The following SNPH variants were observed in gnomAD, a reference collection of about 807,000 sequenced individuals.
SNPH encodes syntaphilin.
Under a neutral mutation model 36.8 loss-of-function variants are expected in SNPH, and 10 were observed. The ratio of observed to expected loss-of-function variants is 0.27; its 90% CI spans 0.17 to 0.46. SNPH has a LOEUF of 0.46. SNPH is among the 20% of genes least tolerant of loss of function. The pLI is 1.00. For synonymous variants in SNPH, 281 were observed against 312.2 expected (o/e 0.90, Z 1.05); for missense variants, 622 against 744.0 (o/e 0.84, Z 1.91).
Position 1,278,011 on chromosome 20 carries a change from T to C in SNPH, c.-493+11251T>C, listed in dbSNP as rs994145984. Among the ~76,000 whole-genome samples the C allele has an allele frequency of 4.7e-5, 7 of 150,066 alleles. No individual in the cohort carries two copies. The South Asian group carries it at 1.5e-3, about 32-fold the overall frequency. On this transcript the variant is annotated intron_variant, in intron 2 of 6. Coordinates refer to ENST00000381867, the MANE Select transcript of SNPH (RefSeq NM_001318234.2). ...GCGTGTCTGTGTGTCTGTGTGTGTG[T>C]CAGTGTCTATGTATGTGTGTCTGTG...
intron 6 of SNPH, among the ~76,000 whole-genome samples, chr20:1,301,092 TG>T (rs2122431763): frequency 6.6e-6 from 1 of 152,308 alleles, no homozygotes; most frequent in South Asian, 2.1e-4. Flanking sequence ...TTGCCTCTTT[TG>T]GGGGAGAAAC....
At chr20:1,291,758 A>G (rs551650227) in intron 2 of SNPH, among the ~76,000 whole-genome samples, 2 of 152,356 alleles carry the variant, frequency 1.3e-5, no homozygotes, top group East Asian at 1.9e-4. Context: ...TCTTGTATCA[A>G]TGGCTAATTC....
chr20:1,269,224 A>G (rs911756274), intron 2 of SNPH, among the ~76,000 whole-genome samples: 3 of 152,200 alleles, frequency 2.0e-5, no homozygotes, highest in African/African-American at 4.8e-5. Context: ...GTGCCCATCT[A>G]TATAATGATG....
intron 2 of SNPH, among the ~76,000 whole-genome samples, chr20:1,271,178 C>A (rs908580775): frequency 2.6e-5 from 4 of 152,228 alleles, no homozygotes; most frequent in African/African-American, 9.6e-5. Flanking sequence ...ACCGAGGAGT[C>A]AGTAGACTTG....
At chr20:1,297,295 A>T (rs1228749381) in intron 5 of SNPH, 43 bp downstream of exon 5, 1 of 1,586,772 alleles carries the variant, frequency 6.3e-7, no homozygotes, top group Non-Finnish European at 8.6e-7. Context: ...GCTGGCTGGG[A>T]ACAGGTTGTC....
intron 2 of SNPH, among the ~76,000 whole-genome samples, chr20:1,292,340 C>T (rs962666828): frequency 6.6e-6 from 1 of 152,132 alleles, no homozygotes; most frequent in African/African-American, 2.4e-5. Context: ...AGTGACTAGC[C>T]GAGGTCTCCT....
chr20:1,298,230 A>G (rs1277779052), intron 5 of SNPH, among the ~76,000 whole-genome samples: 1 of 152,208 alleles, frequency 6.6e-6, no homozygotes, highest in Non-Finnish European at 1.5e-5. Context: ...CGGTGACTTG[A>G]TATCTACACA....
intron 2 of SNPH, among the ~76,000 whole-genome samples, chr20:1,269,452 C>T (rs897024585): frequency 2.0e-4 from 30 of 152,264 alleles, no homozygotes; most frequent in African/African-American, 6.0e-4. Context: ...GAGGGTTGCG[C>T]GGCTAGAACT....
At position 1,306,018 on chromosome 20, in the gene SNPH, G is replaced by A. The variant is rs62187495; in HGVS notation, c.1581G>A (p.Pro527=). 51,024 of 1,514,030 alleles carry A rather than the reference G, an allele frequency of 0.034. 1,044 individuals carry two copies. The highest frequency in any genetic ancestry group is 0.039 in the Non-Finnish European group (44,487 of 1,131,724). The allele number at this position is 1,514,030 out of a possible 1,614,324, so 93.8% of individuals were successfully genotyped here. The part of the protein sequence containing the change: ...RRISCRSLSQ[P]SPSPAGGGSQ... ...TCAGCTGCCGCTCGCTGAGCCAGCC[G>A]AGTCCCAGCCCAGCGGGCGGCGGCT... The change falls in exon 7 of 7, where the codon CCG becomes CCA. Residue 527 remains proline, a synonymous_variant. Coordinates refer to ENST00000381867, the MANE Select transcript of SNPH (RefSeq NM_001318234.2).
At chr20:1,273,408 G>A (rs2088095051) in intron 2 of SNPH, among the ~76,000 whole-genome samples, 1 of 152,114 alleles carries the variant, frequency 6.6e-6, no homozygotes, top group Non-Finnish European at 1.5e-5. Context: ...GTTCTATTCT[G>A]GCCACGGTGA....
In SNPH at chr20:1,273,814, C is replaced by T. The variant is rs113616284; in HGVS notation, c.-493+7054C>T. 1.4e-3 allele frequency among the ~76,000 whole-genome samples: 211 copies of T among 152,184 alleles called. 1 individual carries two copies. Among genetic ancestry groups the T allele is most frequent in the African/African-American group, 4.7e-3 (197 of 41,514 alleles). On this transcript the variant is annotated intron_variant, in intron 2 of 6. Transcript: ENST00000381867. ...GAAAAAAAGAAGCAGTCAACCAATC[C>T]GGGCCCACTTAGCATATGTTATCCT... is the stretch of plus-strand genomic sequence containing the variant.
At chr20:1,274,034 C>T (rs532740315) in intron 2 of SNPH, among the ~76,000 whole-genome samples, 2 of 152,246 alleles carry the variant, frequency 1.3e-5, no homozygotes, top group African/African-American at 4.8e-5. Flanking sequence ...TTGTTGAACA[C>T]ACACAACAGG....
intron 2 of SNPH, among the ~76,000 whole-genome samples, chr20:1,278,134 CTGTG>C (rs2122275816): frequency 7.2e-6 from 1 of 139,820 alleles, no homozygotes; most frequent in Non-Finnish European, 1.6e-5. Context: ...GTGTGTGTCT[CTGTG>C]TGTGCCTATG....
At chr20:1,270,548 C>T (rs1394492134) in intron 2 of SNPH, among the ~76,000 whole-genome samples, 1 of 152,180 alleles carries the variant, frequency 6.6e-6, no homozygotes, top group Non-Finnish European at 1.5e-5. Flanking sequence ...TTGTTGGCTC[C>T]TGTCCTCATC....
chr20:1,281,840 C>G (rs561347473), intron 2 of SNPH, among the ~76,000 whole-genome samples: 51 of 152,366 alleles, frequency 3.3e-4, no homozygotes, highest in Middle Eastern at 3.4e-3. Context: ...AGAGCTGCCA[C>G]ACAGATAGGA....
At chr20:1,298,289 A>G (rs1042144108) in intron 5 of SNPH, among the ~76,000 whole-genome samples, 16 of 152,168 alleles carry the variant, frequency 1.1e-4, no homozygotes, top group African/African-American at 3.4e-4. Flanking sequence ...CTGTTGTTAG[A>G]GCTTTGATCT....
chr20:1,308,547 G>A lies in SNPH; in HGVS notation c.*2493G>A, dbSNP rs1442643282. On this transcript the variant is annotated 3_prime_UTR_variant, in exon 7 of 7. Coordinates refer to ENST00000381867, the MANE Select transcript of SNPH (RefSeq NM_001318234.2). ...GCTGCCTGTGAGGCTCCAGGCGGTG[G>A]AGGTGCGGCAGCTGCTGCTCAGGTG... 1 of 152,692 alleles carries A rather than the reference G, an allele frequency of 6.5e-6. No homozygotes were observed. The highest frequency in any genetic ancestry group is 2.4e-5 in the African/African-American group (1 of 41,486). 9.5% of individuals were successfully genotyped at this position (152,692 alleles called of 1,614,324 possible).
chr20:1,287,305 T>C (rs906948876), intron 2 of SNPH, among the ~76,000 whole-genome samples: 2 of 152,246 alleles, frequency 1.3e-5, no homozygotes, highest in Non-Finnish European at 2.9e-5. Flanking sequence ...TTATTGCATG[T>C]CATTTATGAG....
intron 2 of SNPH, among the ~76,000 whole-genome samples, chr20:1,270,497 G>T (rs1473433258): frequency 1.3e-5 from 2 of 152,070 alleles, no homozygotes; most frequent in Non-Finnish European, 2.9e-5. Context: ...ATAGTAAAGG[G>T]TTCTACTCGA....
Sources: allele counts gnomAD v4.1 joint callset (sites outside exome capture counted in the v4.1 genomes callset), GRCh38; gene constraint gnomAD v4.1.1; transcripts MANE v1.5; gene names NCBI Gene and HGNC (gene_info 2026-07-23, HGNC 2026-07-21).